The following GABBR2 variants were observed in gnomAD, a reference collection of about 807,000 sequenced individuals.
The protein encoded by GABBR2 is gamma-aminobutyric acid type B receptor subunit 2, also known as G-protein coupled receptor 51.
In GABBR2, 23 loss-of-function variants were observed where a neutral mutation model predicts 105.6. That is an observed-to-expected ratio of 0.22 (90% CI 0.16 to 0.31). GABBR2 has a LOEUF of 0.31. Among genes scored for constraint, GABBR2 ranks in the 10% least tolerant of loss-of-function variants. The pLI is 1.00. For missense variants in GABBR2, 734 were observed against 1,245.5 expected, an observed-to-expected ratio of 0.59 and a Z score of 6.18; for synonymous variants, 478 against 499.7, an observed-to-expected ratio of 0.96 and a Z score of 0.58.
intron 3 of GABBR2, among the ~76,000 whole-genome samples, chr9:98,501,056 G>A (rs772259477): frequency 6.6e-6 from 1 of 151,922 alleles, no homozygotes; most frequent in African/African-American, 2.4e-5. Context: ...TTTTCCCCTC[G>A]GTTAGGAGAC....
At chr9:98,503,342 A>G (rs1488682168) in intron 3 of GABBR2, among the ~76,000 whole-genome samples, 1 of 152,212 alleles carries the variant, frequency 6.6e-6, no homozygotes, top group African/African-American at 2.4e-5. Context: ...GGCAGCCCAC[A>G]CAGGCCTTCC....
At chr9:98,465,591 A>G (rs970498610) in intron 6 of GABBR2, among the ~76,000 whole-genome samples, 1 of 152,244 alleles carries the variant, frequency 6.6e-6, no homozygotes, top group African/African-American at 2.4e-5. Flanking sequence ...TCCGCAAACT[A>G]TACTAGCTAG....
At chr9:98,585,607 G>A (rs138310415) in intron 1 of GABBR2, among the ~76,000 whole-genome samples, 22,280 of 150,838 alleles carry the variant, frequency 0.15, 1,745 homozygotes, top group African/African-American at 0.17. Context: ...AAACCTGCAC[G>A]TTGTGCACAT....
At chr9:98,404,402 G>A (rs539161425) in intron 8 of GABBR2, among the ~76,000 whole-genome samples, 40 of 152,254 alleles carry the variant, frequency 2.6e-4, no homozygotes, top group Admixed American at 1.5e-3. Context: ...GAGCGATAGC[G>A]CTGAAGAACA....
At chr9:98,660,467 T>C (rs1305887928) in intron 1 of GABBR2, among the ~76,000 whole-genome samples, 2 of 152,254 alleles carry the variant, frequency 1.3e-5, no homozygotes, top group African/African-American at 4.8e-5. Flanking sequence ...GCACACATAT[T>C]TGTGACTAAG....
At chr9:98,408,917 C>T (rs1832535888) in intron 7 of GABBR2, among the ~76,000 whole-genome samples, 1 of 152,214 alleles carries the variant, frequency 6.6e-6, no homozygotes, top group Non-Finnish European at 1.5e-5. Context: ...CCTGCGATTA[C>T]AGGCACACAC....
At position 98,454,581 on chromosome 9, in the gene GABBR2, G is replaced by A. The variant is rs369021274; in HGVS notation, c.1000-364C>T. Among the ~76,000 whole-genome samples the A allele has an allele frequency of 7.2e-5, 11 of 152,154 alleles. No homozygotes were observed. Among genetic ancestry groups the A allele is most frequent in the Admixed American group, 6.5e-4 (10 of 15,284 alleles). Reference sequence around the variant, plus strand: ...GGGGTGAGGTAGAGGCCCATATCCCGTATGTCTAAATGTTAAAGTTATAGC... The same window carrying A: ...GGGGTGAGGTAGAGGCCCATATCCCATATGTCTAAATGTTAAAGTTATAGC... On this transcript the variant is annotated intron_variant, in intron 6 of 18. Coordinates refer to ENST00000259455, the MANE Select transcript of GABBR2 (RefSeq NM_005458.8). This position sits in a 1 kb window ranked among gnomAD's most constrained non-coding sequence, Gnocchi z 4.6.
At chr9:98,519,710 CT>C (rs11386577) in intron 3 of GABBR2, among the ~76,000 whole-genome samples, 8,066 of 142,436 alleles carry the variant, frequency 0.057, 439 homozygotes, top group African/African-American at 0.14. Context: ...GAGCCGGCAA[CT>C]TTTTTTTTTT....
chr9:98,502,332 G>C (rs1181531229), intron 3 of GABBR2, among the ~76,000 whole-genome samples: 1 of 152,132 alleles, frequency 6.6e-6, no homozygotes, highest in African/African-American at 2.4e-5. Flanking sequence ...CTTCTGAGAA[G>C]GCCACAGTGC....
chr9:98,568,675 C>T (rs61704538), intron 2 of GABBR2, among the ~76,000 whole-genome samples: 4,344 of 152,240 alleles, frequency 0.029, 220 homozygotes, highest in African/African-American at 0.1. Context: ...TTTGCAGTGG[C>T]CTTCAGCTGC....
chr9:98,661,208 G>A (rs2183972), intron 1 of GABBR2, among the ~76,000 whole-genome samples: 141,580 of 152,302 alleles, frequency 0.93, 65,937 homozygotes, highest in African/African-American at 0.97. Context: ...GCACCCAGCC[G>A]CAAGATTCTT....
In GABBR2 at chr9:98,290,473, G is replaced by T; in HGVS notation, c.*111C>A. 1.3e-6 allele frequency: 1 copy of T among 761,508 alleles called. No homozygotes were observed. Among genetic ancestry groups the T allele is most frequent in the Non-Finnish European group, 1.8e-6 (1 of 543,116 alleles). 47.2% of individuals were successfully genotyped at this position (761,508 alleles called of 1,614,324 possible). A position where few individuals can be genotyped will look rare whatever the true frequency, so the allele number is the denominator to read the frequency against. On this transcript the variant is annotated 3_prime_UTR_variant, in exon 19 of 19. Transcript: ENST00000259455. ...CCATCCGAGTGGTCCTGAGAGGCCA[G>T]CCATGGTGCCCAGCTTCTCCGCAGC... is the stretch of plus-strand genomic sequence containing the variant.
At position 98,388,679 on chromosome 9, in the gene GABBR2, G is replaced by A. The variant is rs920696556; in HGVS notation, c.1529+175C>T. On this transcript the variant is annotated intron_variant, in intron 10 of 18. Transcript: ENST00000259455. The surrounding 1 kb of genome is among the most constrained non-coding windows in gnomAD (Gnocchi z 4.4). The stretch of plus-strand genomic sequence containing the variant: ...TGTGTGTGCGTGCACGCACACACAC[G>A]TACTCACATGCATGTAACACCTACA... 2.0e-5 allele frequency among the ~76,000 whole-genome samples: 3 copies of A among 148,044 alleles called. No homozygotes were observed. Among genetic ancestry groups the A allele is most frequent in the South Asian group, 2.2e-4 (1 of 4,484 alleles).
intron 1 of GABBR2, among the ~76,000 whole-genome samples, chr9:98,696,645 G>T (rs1830756975): frequency 6.6e-6 from 1 of 152,232 alleles, no homozygotes; most frequent in Non-Finnish European, 1.5e-5. Flanking sequence ...CTGGCACCAA[G>T]TAGGTGCTTA....
intron 3 of GABBR2, among the ~76,000 whole-genome samples, chr9:98,502,636 C>T (rs1355822509): frequency 1.3e-5 from 2 of 152,140 alleles, no homozygotes; most frequent in African/African-American, 4.8e-5. Flanking sequence ...CCTATGAATC[C>T]CCCCGCTTGG....
intron 9 of GABBR2, among the ~76,000 whole-genome samples, 184 bp from the exon 10 acceptor site, chr9:98,389,188 G>C (rs565994567): frequency 9.9e-5 from 15 of 152,238 alleles, no homozygotes; most frequent in Non-Finnish European, 1.6e-4. Context: ...CCTGAGCTAG[G>C]ACTGTATTTC....
At chr9:98,456,959 G>A (rs1826335129) in intron 6 of GABBR2, among the ~76,000 whole-genome samples, 1 of 152,134 alleles carries the variant, frequency 6.6e-6, no homozygotes, top group African/African-American at 2.4e-5. Flanking sequence ...ATCATTTAAT[G>A]TTTTGTTTTA....
At chr9:98,318,891 TTGTGTG>T (rs111952099) in intron 13 of GABBR2, among the ~76,000 whole-genome samples, 10 of 148,288 alleles carry the variant, frequency 6.7e-5, no homozygotes, top group Admixed American at 2.0e-4. Context: ...AAATGTGAGT[TTGTGTG>T]TGTGTGTGTG....
intron 7 of GABBR2, among the ~76,000 whole-genome samples, chr9:98,428,439 A>G (rs1825738155): frequency 6.6e-6 from 1 of 152,196 alleles, no homozygotes; most frequent in African/African-American, 2.4e-5. Flanking sequence ...TCTCTTGCCT[A>G]TATTGAACCA....
Sources: gnomAD v4.1 joint callset for allele counts (sites outside exome capture counted in the v4.1 genomes callset) on GRCh38, gnomAD v4.1.1 for gene constraint, Gnocchi (gnomAD v3.1) non-coding constraint, MANE v1.5 for transcripts, NCBI Gene and HGNC (gene_info 2026-07-23, HGNC 2026-07-21) for gene names.